NADSYN1: variants seen among roughly 807,000 people sequenced by gnomAD.
NADSYN1 encodes glutamine-dependent NAD(+) synthetase.
In NADSYN1, 80 loss-of-function variants were observed where a neutral mutation model predicts 99.3. The ratio of observed to expected loss-of-function variants is 0.81; its 90% CI spans 0.67 to 0.97. The LOEUF is 0.97. Among genes scored for constraint, NADSYN1 ranks in the 50% least tolerant of loss-of-function variants. NADSYN1 has a pLI of 0.00. For synonymous variants in NADSYN1, 385 were observed against 372.1 expected (o/e 1.03, Z -0.40); for missense variants, 859 against 948.5 (o/e 0.91, Z 1.24).
At chr11:71,464,173 G>T in intron 5 of NADSYN1, 31 bp downstream of exon 5, 1 of 1,549,258 alleles carries the variant, frequency 6.5e-7, no homozygotes, top group Admixed American at 1.8e-5. Flanking sequence ...CTCCTGGGAT[G>T]TGCGTTAAGC....
chr11:71,465,910 T>A (rs574708862), intron 5 of NADSYN1, among the ~76,000 whole-genome samples: 55 of 152,346 alleles, frequency 3.6e-4, no homozygotes, highest in African/African-American at 1.3e-3. Flanking sequence ...TGAACTTATA[T>A]AATATACAAT....
At chr11:71,471,626 A>G (rs1949627667) in intron 5 of NADSYN1, among the ~76,000 whole-genome samples, 1 of 152,224 alleles carries the variant, frequency 6.6e-6, no homozygotes, top group Admixed American at 6.5e-5. Context: ...ATTTCGGTGC[A>G]GCAGCATCGC....
chr11:71,498,383 A>G lies in NADSYN1; in HGVS notation c.1925A>G (p.Lys642Arg). The change falls in exon 20 of 21, where the codon AAG becomes AGG. Residue 642 changes from lysine (K) to arginine (R), a missense_variant. Transcript: ENST00000319023. The part of the protein sequence containing the change: ...VADKVKRFFS[K>R]YSMNRHKMTT... ...GACAAAGTGAAGCGGTTTTTCTCCAAGTACTCCATGAACAGACACAAGATG... is the reference window on the plus strand; with the variant it reads ...GACAAAGTGAAGCGGTTTTTCTCCAGGTACTCCATGAACAGACACAAGATG... 2 of 1,614,220 alleles carry G rather than the reference A, an allele frequency of 1.2e-6. No individual in the cohort carries two copies. Among genetic ancestry groups the G allele is most frequent in the Non-Finnish European group, 1.7e-6 (2 of 1,180,044 alleles).
chr11:71,474,405 T>G lies in NADSYN1; in HGVS notation c.677T>G (p.Ile226Ser). The stretch of plus-strand genomic sequence containing the variant: ...GTCCTCCTTTTTCAGAACGGTGGGA[T>G]TTACTTGCTGGCCAACCAGAAGGGT... ...VTMVTSKNGG[I>S]YLLANQKGCD... is the part of the protein sequence containing the mutation. The change falls in exon 9 of 21, where the codon ATT becomes AGT. Residue 226 changes from isoleucine (I) to serine (S), a missense_variant. Coordinates refer to ENST00000319023, the MANE Select transcript of NADSYN1 (RefSeq NM_018161.5). The G allele has an allele frequency of 1.9e-6, 3 of 1,614,110 alleles. No individual in the cohort carries two copies. The highest frequency in any genetic ancestry group is 2.5e-6 in the Non-Finnish European group (3 of 1,179,984).
chr11:71,498,550 C>A (rs75111271), intron 20 of NADSYN1, 22 bp downstream of exon 20: 3 of 1,610,990 alleles, frequency 1.9e-6, no homozygotes, highest in Non-Finnish European at 2.5e-6. Flanking sequence ...AGAAATGTTT[C>A]TCTCTCCATG....
intron 13 of NADSYN1, 39 bp from the exon 14 acceptor site, chr11:71,482,806 ACACT>A (rs1365618270): frequency 1.1e-5 from 17 of 1,604,142 alleles, no homozygotes; most frequent in Admixed American, 3.4e-5. Context: ...AACATCCCAC[ACACT>A]CAGGTGACTT....
intron 16 of NADSYN1, among the ~76,000 whole-genome samples, chr11:71,489,729 C>T (rs1190376856): frequency 6.6e-6 from 1 of 152,192 alleles, no homozygotes; most frequent in Non-Finnish European, 1.5e-5. Context: ...GTCTTACACC[C>T]CCGACATTGC....
intron 20 of NADSYN1, chr11:71,499,750 A>G (rs1025402846): frequency 5.9e-5 from 9 of 152,226 alleles, no homozygotes; most frequent in Non-Finnish European, 1.0e-4. Context: ...GTCACTGTCA[A>G]CAATGATAAA....
chr11:71,472,843 T>C (rs1444942832), intron 6 of NADSYN1, among the ~76,000 whole-genome samples: 1 of 152,234 alleles, frequency 6.6e-6, no homozygotes, highest in African/African-American at 2.4e-5. Context: ...AACAGCAAAA[T>C]GCCCTACTCT....
chr11:71,491,407 C>T lies in NADSYN1; in HGVS notation c.1695-427C>T, dbSNP rs576193575. ...TTATCCTCACTGGAGTGACTGTGCCCCCCAGGGGACATCAGGCAACGTCTG... is the reference window on the plus strand; with the variant it reads ...TTATCCTCACTGGAGTGACTGTGCCTCCCAGGGGACATCAGGCAACGTCTG... On this transcript the variant is annotated intron_variant, in intron 17 of 20. Transcript: ENST00000319023. Among the ~76,000 whole-genome samples the T allele has an allele frequency of 2.0e-5, 3 of 151,168 alleles. No individual in the cohort carries two copies. In the South Asian group the frequency reaches 6.3e-4, roughly 32 times the overall value.
chr11:71,497,731 A>G (rs930466237), intron 19 of NADSYN1, 120 bp downstream of exon 19: 13 of 1,282,636 alleles, frequency 1.0e-5, no homozygotes, highest in Non-Finnish European at 1.2e-5. Context: ...ATAAAACTGT[A>G]TCTCACACAG....
At chr11:71,467,006 CCT>C (rs946147282) in intron 5 of NADSYN1, among the ~76,000 whole-genome samples, 15 of 152,252 alleles carry the variant, frequency 9.9e-5, no homozygotes, top group Admixed American at 3.3e-4. Flanking sequence ...ATAGGAGACA[CCT>C]CTGAATGCTG....
At chr11:71,487,403 G>A (rs944112125) in intron 16 of NADSYN1, among the ~76,000 whole-genome samples, 1 of 152,174 alleles carries the variant, frequency 6.6e-6, no homozygotes, top group African/African-American at 2.4e-5. Context: ...TTATAAAATT[G>A]TGTTGTAAGA....
In NADSYN1 at chr11:71,474,426, A is replaced by T; in HGVS notation, c.698A>T (p.Lys233Met). 1 of 1,614,188 alleles carries T rather than the reference A, an allele frequency of 6.2e-7. No homozygotes were observed. Among genetic ancestry groups the T allele is most frequent in the South Asian group, 1.1e-5 (1 of 91,080 alleles). Reference sequence around the variant, plus strand: ...GGGATTTACTTGCTGGCCAACCAGAAGGGTTGTGACGGGGACCGCCTGTAC... The same window carrying T: ...GGGATTTACTTGCTGGCCAACCAGATGGGTTGTGACGGGGACCGCCTGTAC... ...NGGIYLLANQ[K>M]GCDGDRLYYD... is the part of the protein sequence containing the mutation. The change falls in exon 9 of 21, where the codon AAG (lysine) becomes ATG (methionine). Residue 233 changes from lysine (K) to methionine (M), a missense_variant. Coordinates refer to ENST00000319023, the MANE Select transcript of NADSYN1 (RefSeq NM_018161.5).
chr11:71,486,294 T>C (rs1480480916), intron 16 of NADSYN1, among the ~76,000 whole-genome samples: 1 of 152,060 alleles, frequency 6.6e-6, no homozygotes, highest in Admixed American at 6.5e-5. Context: ...CATCTATCCA[T>C]CCATCAGTTG....
chr11:71,473,464 G>A (rs769535807), intron 7 of NADSYN1, 98 bp downstream of exon 7: 19 of 1,521,166 alleles, frequency 1.2e-5, no homozygotes, highest in African/African-American at 8.2e-5. Context: ...GGCCGTGGCC[G>A]TGGCCGTGGG....
chr11:71,465,505 G>T (rs1949581932), intron 5 of NADSYN1, among the ~76,000 whole-genome samples: 1 of 152,220 alleles, frequency 6.6e-6, no homozygotes, highest in Admixed American at 6.5e-5. Flanking sequence ...CATCTTGAAT[G>T]ATACTGAATT....
chr11:71,500,557 G>T (rs975271318), intron 20 of NADSYN1, among the ~76,000 whole-genome samples: 1 of 143,738 alleles, frequency 7.0e-6, no homozygotes, highest in Non-Finnish European at 1.5e-5. Context: ...TTTGTTCCAC[G>T]TGTTGGTGGT....
rs917590436 is a variant in NADSYN1 at position 71,501,747 on chromosome 11, A to G, written c.*395A>G. ...TGAAGGAGAGAAGACCTTCTCTCCC[A>G]CCCACACACACCTTCCTGTCCTGGG... is the stretch of plus-strand genomic sequence containing the variant. On this transcript the variant is annotated 3_prime_UTR_variant, in exon 21 of 21. Transcript: ENST00000319023. The G allele has an allele frequency of 4.7e-5, 10 of 213,156 alleles. No homozygotes were observed. Among genetic ancestry groups the G allele is most frequent in the African/African-American group, 1.9e-4 (8 of 41,670 alleles). The allele number at this position is 213,156 out of a possible 1,614,324, so 13.2% of individuals were successfully genotyped here. A position where few individuals can be genotyped will look rare whatever the true frequency, so the allele number is the denominator to read the frequency against.
Sources: allele counts gnomAD v4.1 joint callset (sites outside exome capture counted in the v4.1 genomes callset), GRCh38; gene constraint gnomAD v4.1.1; transcripts MANE v1.5; gene names NCBI Gene and HGNC (gene_info 2026-07-23, HGNC 2026-07-21).